The following ADARB2 variants were observed in gnomAD, a reference collection of about 807,000 sequenced individuals.
ADARB2 encodes inactive double-stranded RNA-specific editase B2.
A neutral mutation model predicts 62.2 loss-of-function variants in ADARB2; 25 were observed. The observed-to-expected ratio is 0.40, with a 90% CI of 0.29 to 0.56. ADARB2 has a LOEUF of 0.56. ADARB2 is among the 20% of genes least tolerant of loss of function. The pLI, the probability that ADARB2 is intolerant of heterozygous loss-of-function variation, is 0.43. For missense variants in ADARB2, 1,071 were observed against 1,077.4 expected, an observed-to-expected ratio of 0.99 and a Z score of 0.08; for synonymous variants, 572 against 500.8, an observed-to-expected ratio of 1.14 and a Z score of -1.90.
At chr10:1,526,223 T>C (rs1335966851) in intron 1 of ADARB2, among the ~76,000 whole-genome samples, 1 of 150,014 alleles carries the variant, frequency 6.7e-6, no homozygotes, top group African/African-American at 2.5e-5. Context: ...GCAGGTGGGG[T>C]AGGTGGGGCA....
rs1403517473 is a variant in ADARB2 at position 1,178,911 on chromosome 10, A to G, written c.*4282T>C. 6.6e-6 allele frequency: 1 copy of G among 152,116 alleles called. No individual in the cohort carries two copies. The highest frequency in any genetic ancestry group is 2.4e-5 in the African/African-American group (1 of 41,428). The allele number at this position is 152,116 out of a possible 1,614,324, so 9.4% of individuals were successfully genotyped here. On this transcript the variant is annotated 3_prime_UTR_variant, in exon 10 of 10. Coordinates refer to ENST00000381312, the MANE Select transcript of ADARB2 (RefSeq NM_018702.4). ...GATCCAACGGTAGTACATAAAAGGA[A>G]AGCCTCTCAGCTTCCCTTTGGTCTC...
chr10:1,688,603 C>T (rs936084299), intron 1 of ADARB2, among the ~76,000 whole-genome samples: 15 of 152,320 alleles, frequency 9.8e-5, no homozygotes, highest in Admixed American at 7.2e-4. Flanking sequence ...CCCCGCCCCC[C>T]GCCTGGCCTT....
At chr10:1,429,611 C>A (rs1366321680) in intron 1 of ADARB2, among the ~76,000 whole-genome samples, 1 of 152,166 alleles carries the variant, frequency 6.6e-6, no homozygotes. Context: ...TCTCTGTGAG[C>A]TCTAGGCCTT....
At chr10:1,566,427 GCTACT>G (rs747343869) in intron 1 of ADARB2, among the ~76,000 whole-genome samples, 57 of 152,254 alleles carry the variant, frequency 3.7e-4, no homozygotes, top group Non-Finnish European at 7.2e-4. Context: ...TTCCCAAGTT[GCTACT>G]CTAAAGACCA....
chr10:1,389,997 A>T (rs922493792), intron 1 of ADARB2, among the ~76,000 whole-genome samples: 1 of 152,208 alleles, frequency 6.6e-6, no homozygotes, highest in Non-Finnish European at 1.5e-5. Flanking sequence ...AGACTCACAT[A>T]GGGATATTTA....
At chr10:1,367,051 C>T (rs977775740) in intron 2 of ADARB2, among the ~76,000 whole-genome samples, 3 of 152,192 alleles carry the variant, frequency 2.0e-5, no homozygotes, top group Non-Finnish European at 4.4e-5. Context: ...CCACGCTCCC[C>T]GCCCCTCAGC....
chr10:1,313,597 AACAGGGGAAACACAACTAAAACAGGGC>A (rs577185787), intron 3 of ADARB2, among the ~76,000 whole-genome samples: 3,432 of 152,182 alleles, frequency 0.023, 54 homozygotes, highest in Non-Finnish European at 0.036. Flanking sequence ...CTCCTGGGAT[AACAGGGGAAACACAACTAAAACAGGGC>A]ACAGGGTTAC....
chr10:1,584,199 C>A (rs1726176870), intron 1 of ADARB2, among the ~76,000 whole-genome samples: 1 of 151,960 alleles, frequency 6.6e-6, no homozygotes, highest in Non-Finnish European at 1.5e-5. Context: ...AGAATGCATA[C>A]CATAGATTAG....
chr10:1,281,550 T>A (rs914670384), intron 3 of ADARB2, among the ~76,000 whole-genome samples: 9 of 152,242 alleles, frequency 5.9e-5, no homozygotes, highest in African/African-American at 1.9e-4. Flanking sequence ...CTCGTGCAAG[T>A]CCAGCCTTGG....
rs184297552 is a variant in ADARB2, at chr10:1,217,087, G to C, written c.1546C>G (p.Arg516Gly). The change falls in exon 7 of 10, where the codon CGC becomes GGC. Residue 516 changes from arginine to glycine, a missense_variant. Physicochemically the swap from Arg to Gly is moderately radical, Grantham distance 125 (BLOSUM62 -2). Coordinates refer to ENST00000381312, the MANE Select transcript of ADARB2 (RefSeq NM_018702.4). ...HSSKHLVRKF[R>G]GHLRTKIESG... ...TCGATCTTGGTGCGCAGGTGCCCGC[G>C]GAACTTCCTGACGAGGTGTTTGCTG... 2 of 1,605,738 alleles carry C rather than the reference G, an allele frequency of 1.2e-6. No homozygotes were observed. Among genetic ancestry groups the C allele is most frequent in the Non-Finnish European group, 8.5e-7 (1 of 1,176,498 alleles).
chr10:1,726,296 C>T (rs1188067995), intron 1 of ADARB2, among the ~76,000 whole-genome samples: 1 of 152,082 alleles, frequency 6.6e-6, no homozygotes, highest in African/African-American at 2.4e-5. Context: ...TGATAGATGA[C>T]AGATCAGTAA....
At position 1,255,342 on chromosome 10, in the gene ADARB2, G is replaced by T. The variant is rs535627602; in HGVS notation, c.1193-13043C>A. 3.3e-5 allele frequency among the ~76,000 whole-genome samples: 5 copies of T among 152,254 alleles called. No homozygotes were observed. Among genetic ancestry groups the T allele is most frequent in the African/African-American group, 1.2e-4 (5 of 41,470 alleles). On this transcript the variant is annotated intron_variant, in intron 4 of 9. Transcript: ENST00000381312. This position sits in a 1 kb window ranked among gnomAD's most constrained non-coding sequence, Gnocchi z 4.7. ...GTGCCACGTCACGTAGCTTGTCCTC[G>T]TCAGTGCAGCTGACGCTCACCAAGC...
At chr10:1,628,747 A>G (rs1833803569) in intron 1 of ADARB2, among the ~76,000 whole-genome samples, 1 of 152,254 alleles carries the variant, frequency 6.6e-6, no homozygotes, top group East Asian at 1.9e-4. Flanking sequence ...GAGAAATACA[A>G]AGACTTTCCT....
intron 1 of ADARB2, among the ~76,000 whole-genome samples, chr10:1,480,215 A>G (rs953566663): frequency 6.6e-6 from 1 of 152,242 alleles, no homozygotes; most frequent in African/African-American, 2.4e-5. Flanking sequence ...GAAAGAAGTA[A>G]AAGGCATCCT....
Position 1,363,352 on chromosome 10 carries a change from G to A in ADARB2, c.753C>T (p.Tyr251=). ...CGCGGCACAGCAGCCGCCGTCGCCC[G>A]TAGGCCGCGGACAGAAGCGCGGCGT... ...PGDAALLSAA[Y]GRRRLLCRAL... The change falls in exon 3 of 10, where the codon TAC becomes TAT. Residue 251 remains tyrosine (Y), a synonymous_variant. Coordinates refer to ENST00000381312, the MANE Select transcript of ADARB2 (RefSeq NM_018702.4). 3 of 1,276,276 alleles carry A rather than the reference G, an allele frequency of 2.4e-6. No homozygotes were observed. The highest frequency in any genetic ancestry group is 3.0e-6 in the Non-Finnish European group (3 of 1,011,926). The allele number at this position is 1,276,276 out of a possible 1,614,324, so 79.1% of individuals were successfully genotyped here. A position where few individuals can be genotyped will look rare whatever the true frequency, so the allele number is the denominator to read the frequency against.
At position 1,426,715 on chromosome 10, in the gene ADARB2, A is replaced by G. The variant is rs1353305173; in HGVS notation, c.101-47555T>C. 1.3e-5 allele frequency among the ~76,000 whole-genome samples: 2 copies of G among 152,208 alleles called. No homozygotes were observed. The highest frequency in any genetic ancestry group is 3.9e-4 in the East Asian group (2 of 5,178). On this transcript the variant is annotated intron_variant, in intron 1 of 9. Transcript: ENST00000381312. This position sits in a 1 kb window ranked among gnomAD's most constrained non-coding sequence, Gnocchi z 4.1. The stretch of plus-strand genomic sequence containing the variant: ...CTTGCCACCCTGGGCAAGAGAGCCC[A>G]GGGGCTGGCCCAGGAGAGGCGGCAA...
In ADARB2 at chr10:1,380,397, T is replaced by C. The variant is rs556910019; in HGVS notation, c.101-1237A>G. Among the ~76,000 whole-genome samples the C allele has an allele frequency of 2.6e-5, 4 of 152,310 alleles. No homozygotes were observed. In the South Asian group the frequency reaches 8.3e-4, roughly 32 times the overall value. ...TCCGCGGACGGGATTTCCCAGGAGG[T>C]CACTGAGTTTACATCACCCTGTAAC... On this transcript the variant is annotated intron_variant, in intron 1 of 9. Coordinates refer to ENST00000381312, the MANE Select transcript of ADARB2 (RefSeq NM_018702.4).
Position 1,398,094 on chromosome 10 carries a change from C to G in ADARB2, c.101-18934G>C, listed in dbSNP as rs1311255673. 6.8e-6 allele frequency among the ~76,000 whole-genome samples: 1 copy of G among 147,738 alleles called. No individual in the cohort carries two copies. The highest frequency in any genetic ancestry group is 2.0e-4 in the East Asian group (1 of 4,880). ...GCTTCCTGGGTCACCGCCCTCCTCT[C>G]CCCTCCCGAGTGCAGGCTTCCTGGG... On this transcript the variant is annotated intron_variant, in intron 1 of 9. Coordinates refer to ENST00000381312, the MANE Select transcript of ADARB2 (RefSeq NM_018702.4). This position sits in a 1 kb window ranked among gnomAD's most constrained non-coding sequence, Gnocchi z 4.1.
At chr10:1,701,046 C>T (rs1382421625) in intron 1 of ADARB2, among the ~76,000 whole-genome samples, 1 of 5,616 alleles carries the variant, frequency 1.8e-4, no homozygotes, top group Admixed American at 4.7e-3. Flanking sequence ...ACCAGGCGCT[C>T]GCCAATACAC....
Sources: allele counts gnomAD v4.1 joint callset (sites outside exome capture counted in the v4.1 genomes callset), GRCh38; gene constraint gnomAD v4.1.1; non-coding constraint Gnocchi (gnomAD v3.1); transcripts MANE v1.5; gene names NCBI Gene and HGNC (gene_info 2026-07-23, HGNC 2026-07-21).